Variants in ZNF385D observed in about 807,000 individuals in gnomAD.
ZNF385D encodes the protein zinc finger protein 385D.
Under a neutral mutation model 35.8 loss-of-function variants are expected in ZNF385D, and 15 were observed. That is an observed-to-expected ratio of 0.42 (90% confidence interval 0.28 to 0.64). The LOEUF (loss-of-function observed/expected upper bound fraction) is 0.64. Ranked by LOEUF, ZNF385D falls within the 30% of genes least tolerant of loss-of-function variation. ZNF385D has a pLI of 0.23. For synonymous variants in ZNF385D, 212 were observed against 186.8 expected (o/e 1.13, Z -1.10); for missense variants, 474 against 494.6 (o/e 0.96, Z 0.39).
At chr3:21,911,995 A>C (rs1030487946) in intron 3 of ZNF385D, among the ~76,000 whole-genome samples, 1 of 152,098 alleles carries the variant, frequency 6.6e-6, no homozygotes, top group South Asian at 2.1e-4. Flanking sequence ...ATTGAAAGTA[A>C]GGCCCTAAAT....
chr3:22,141,335 A>G (rs916376403), intron 3 of ZNF385D, among the ~76,000 whole-genome samples: 1 of 152,354 alleles, frequency 6.6e-6, no homozygotes, highest in East Asian at 1.9e-4. Context: ...TCCTGAAATC[A>G]TCTTATAAAT....
chr3:22,214,851 G>A (rs981708523), intron 2 of ZNF385D, among the ~76,000 whole-genome samples: 4 of 151,902 alleles, frequency 2.6e-5, no homozygotes, highest in African/African-American at 9.7e-5. Flanking sequence ...ATCTCGCCCT[G>A]CCTCCATTTG....
intron 2 of ZNF385D, among the ~76,000 whole-genome samples, chr3:22,188,401 G>A (rs982331462): frequency 6.6e-6 from 1 of 151,940 alleles, no homozygotes; most frequent in African/African-American, 2.4e-5. Flanking sequence ...TCTGCTGTGT[G>A]TTTTAGCAAG....
intron 2 of ZNF385D, among the ~76,000 whole-genome samples, chr3:22,217,315 T>C (rs997694465): frequency 2.0e-5 from 3 of 152,166 alleles, no homozygotes; most frequent in African/African-American, 7.2e-5. Context: ...TGCCCCATCA[T>C]GCGACCCTCT....
At chr3:22,215,587 C>T (rs1697824671) in intron 2 of ZNF385D, among the ~76,000 whole-genome samples, 1 of 152,018 alleles carries the variant, frequency 6.6e-6, no homozygotes, top group Admixed American at 6.6e-5. Context: ...CTCTCAAACC[C>T]TGTCTCCTGA....
At chr3:22,083,702 C>G (rs1257878268) in intron 3 of ZNF385D, among the ~76,000 whole-genome samples, 2 of 152,062 alleles carry the variant, frequency 1.3e-5, no homozygotes, top group African/African-American at 4.8e-5. Flanking sequence ...GCAAGGCAGG[C>G]CAACATTCAA....
chr3:21,792,565 C>T (rs2071973920), intron 3 of ZNF385D, among the ~76,000 whole-genome samples: 2 of 152,152 alleles, frequency 1.3e-5, no homozygotes, highest in Non-Finnish European at 2.9e-5. Context: ...ATCTTTACAT[C>T]CTTGGTCTAT....
chr3:21,761,090 T>C (rs1453097340), intron 3 of ZNF385D, among the ~76,000 whole-genome samples: 1 of 152,066 alleles, frequency 6.6e-6, no homozygotes, highest in Non-Finnish European at 1.5e-5. Flanking sequence ...TGTGAAGAGG[T>C]ACACATGGCA....
At chr3:21,797,280 T>C (rs2072196769) in intron 3 of ZNF385D, among the ~76,000 whole-genome samples, 1 of 152,136 alleles carries the variant, frequency 6.6e-6, no homozygotes, top group Non-Finnish European at 1.5e-5. Flanking sequence ...AAAACAATTG[T>C]GAGATGGATG....
rs186424863 is a variant in ZNF385D, at chr3:21,486,486, A to G, written c.439+24375T>C. ...TGTCCATTTCTCTGAATAGGATGCCATGTTATCAAAAGATGATAAATGTGC... is the reference window on the plus strand; with the variant it reads ...TGTCCATTTCTCTGAATAGGATGCCGTGTTATCAAAAGATGATAAATGTGC... On this transcript the variant is annotated intron_variant, in intron 4 of 7. Coordinates refer to ENST00000281523, the MANE Select transcript of ZNF385D (RefSeq NM_024697.3). Among the ~76,000 whole-genome samples the G allele has an allele frequency of 2.6e-3, 394 of 152,260 alleles. 4 individuals are homozygous for G. The highest frequency in any genetic ancestry group is 7.8e-3 in the African/African-American group (326 of 41,574).
intron 3 of ZNF385D, among the ~76,000 whole-genome samples, chr3:21,998,402 G>C (rs1695618596): frequency 6.6e-6 from 1 of 152,226 alleles, no homozygotes; most frequent in South Asian, 2.1e-4. Context: ...CCTAATTTTG[G>C]GGTACACCTC....
chr3:21,614,430 T>A (rs572762670), intron 2 of ZNF385D, among the ~76,000 whole-genome samples: 39 of 152,314 alleles, frequency 2.6e-4, no homozygotes, highest in Admixed American at 1.2e-3. Context: ...TACATTCACA[T>A]TCAACATAGA....
At chr3:22,183,877 A>C (rs1451948971) in intron 2 of ZNF385D, among the ~76,000 whole-genome samples, 2 of 149,596 alleles carry the variant, frequency 1.3e-5, no homozygotes, top group Non-Finnish European at 3.0e-5. Flanking sequence ...TTTTTTTTGC[A>C]TTTTTTATAT....
At chr3:22,328,622 G>T (rs546251000) in intron 2 of ZNF385D, among the ~76,000 whole-genome samples, 1 of 150,418 alleles carries the variant, frequency 6.6e-6, no homozygotes, top group African/African-American at 2.5e-5. Flanking sequence ...AATTAGCTGG[G>T]CATGGTGGTG....
chr3:22,240,086 C>G (rs2638163), intron 2 of ZNF385D, among the ~76,000 whole-genome samples: 139,785 of 148,468 alleles, frequency 0.94, 66,000 homozygotes, highest in East Asian at 1. Flanking sequence ...AGGAGGCTGA[C>G]GTGGGAGGAT....
chr3:21,783,308 A>G (rs2071563164), intron 3 of ZNF385D, among the ~76,000 whole-genome samples: 2 of 152,116 alleles, frequency 1.3e-5, no homozygotes, highest in Admixed American at 6.6e-5. Context: ...ATTAAATTAT[A>G]TTCAAAATTG....
At chr3:21,429,387 T>C (rs1004089145) in intron 5 of ZNF385D, among the ~76,000 whole-genome samples, 3 of 152,080 alleles carry the variant, frequency 2.0e-5, no homozygotes, top group Non-Finnish European at 4.4e-5. Flanking sequence ...CTTTTAGAAA[T>C]GCACATGATT....
intron 3 of ZNF385D, chr3:21,958,979 C>T (rs1702436275): frequency 6.6e-6 from 1 of 152,216 alleles, no homozygotes; most frequent in South Asian, 2.1e-4. Flanking sequence ...TTTCATAATG[C>T]AATATTACAA....
intron 3 of ZNF385D, among the ~76,000 whole-genome samples, chr3:21,976,778 G>C (rs977158792): frequency 6.6e-6 from 1 of 152,160 alleles, no homozygotes; most frequent in Non-Finnish European, 1.5e-5. Context: ...AGATCATGAG[G>C]TCAGGAGTTC....
Sources: gnomAD v4.1 joint callset for allele counts (sites outside exome capture counted in the v4.1 genomes callset) on GRCh38, gnomAD v4.1.1 for gene constraint, MANE v1.5 for transcripts, NCBI Gene and HGNC (gene_info 2026-07-23, HGNC 2026-07-21) for gene names.